Variants in KDM2A observed in about 807,000 individuals in gnomAD.
The protein encoded by KDM2A is lysine demethylase 2A.
A neutral mutation model predicts 137.3 loss-of-function variants in KDM2A; 3 were observed. The observed-to-expected ratio is 0.02, with a 90% CI of 0.01 to 0.06. The LOEUF is 0.06. KDM2A is among the 10% of genes least tolerant of loss of function. The pLI is 1.00. For missense variants in KDM2A, 738 were observed against 1,510.6 expected (o/e 0.49, Z 8.48); for synonymous variants, 512 against 541.5 (o/e 0.95, Z 0.76).
At chr11:67,162,586 A>C (rs1004530612) in intron 2 of KDM2A, among the ~76,000 whole-genome samples, 2 of 151,906 alleles carry the variant, frequency 1.3e-5, no homozygotes, top group African/African-American at 4.8e-5. Flanking sequence ...TTGTATTTTT[A>C]GTAGAGATGG....
At chr11:67,185,674 G>A (rs1422098782) in intron 5 of KDM2A, among the ~76,000 whole-genome samples, 1 of 151,552 alleles carries the variant, frequency 6.6e-6, no homozygotes, top group African/African-American at 2.4e-5. Context: ...CAAAATTTAT[G>A]TTGAAATTGA....
At position 67,245,909 on chromosome 11, in the gene KDM2A, A is replaced by T. The variant is rs1234002570; in HGVS notation, c.1834-76A>T. On this transcript the variant is annotated intron_variant, in intron 14 of 20. Transcript: ENST00000529006. This position sits in a 1 kb window ranked among gnomAD's most constrained non-coding sequence, Gnocchi z 4.1. Reference sequence around the variant, plus strand: ...GAGAATTATAGGACCCAAATCTCCCATCTTCAGTTTAAGGGAAACTGAAAT... The same window carrying T: ...GAGAATTATAGGACCCAAATCTCCCTTCTTCAGTTTAAGGGAAACTGAAAT... The T allele has an allele frequency of 1.9e-6, 3 of 1,544,534 alleles. No individual in the cohort carries two copies. The East Asian group carries it at 6.8e-5, about 35-fold the overall frequency.
At chr11:67,205,537 C>G (rs977354502) in intron 5 of KDM2A, among the ~76,000 whole-genome samples, 1 of 152,082 alleles carries the variant, frequency 6.6e-6, no homozygotes, top group African/African-American at 2.4e-5. Flanking sequence ...AGGTGATTCT[C>G]ACACCTCACC....
chr11:67,188,314 C>T (rs1857257468), intron 5 of KDM2A, among the ~76,000 whole-genome samples: 1 of 151,966 alleles, frequency 6.6e-6, no homozygotes, highest in Non-Finnish European at 1.5e-5. Flanking sequence ...AACCCCGTCT[C>T]TACTAAAAAT....
intron 10 of KDM2A, among the ~76,000 whole-genome samples, chr11:67,227,437 T>A (rs1455119331): frequency 6.6e-6 from 1 of 152,108 alleles, no homozygotes; most frequent in East Asian, 1.9e-4. Flanking sequence ...TTTGCATGCC[T>A]TTTTTTCAAG....
intron 17 of KDM2A, among the ~76,000 whole-genome samples, chr11:67,251,144 A>G (rs1020452807): frequency 2.6e-5 from 4 of 152,140 alleles, no homozygotes; most frequent in African/African-American, 9.7e-5. Context: ...AACTCATCAC[A>G]TGTTGGTTGA....
intron 10 of KDM2A, among the ~76,000 whole-genome samples, chr11:67,226,223 C>T (rs1298149826): frequency 6.6e-6 from 1 of 151,842 alleles, no homozygotes; most frequent in African/African-American, 2.4e-5. Flanking sequence ...CACCACTGCA[C>T]ACTAGCCTTG....
intron 2 of KDM2A, among the ~76,000 whole-genome samples, chr11:67,140,049 A>C (rs1270746347): frequency 6.6e-6 from 1 of 152,014 alleles, no homozygotes. Context: ...GGGTGGTGCC[A>C]CCAATTGAGA....
intron 2 of KDM2A, among the ~76,000 whole-genome samples, chr11:67,178,904 T>C (rs1857026772): frequency 6.6e-6 from 1 of 152,242 alleles, no homozygotes; most frequent in Non-Finnish European, 1.5e-5. Context: ...TTCAGTTCTT[T>C]GGGTTATATA....
At chr11:67,237,643 A>T (rs754097270) in intron 12 of KDM2A, among the ~76,000 whole-genome samples, 30 of 151,030 alleles carry the variant, frequency 2.0e-4, no homozygotes, top group Non-Finnish European at 3.8e-4. Flanking sequence ...AGGCTTACAG[A>T]TTTTTTTTTG....
intron 5 of KDM2A, among the ~76,000 whole-genome samples, chr11:67,202,682 A>G (rs7124968): frequency 0.54 from 82,224 of 151,714 alleles, 27,321 homozygotes; most frequent in South Asian, 0.75. Flanking sequence ...AGGCTGAGGC[A>G]GGAGAATGGC....
At chr11:67,241,947 T>A (rs1258107656) in intron 12 of KDM2A, among the ~76,000 whole-genome samples, 1 of 152,068 alleles carries the variant, frequency 6.6e-6, no homozygotes, top group African/African-American at 2.4e-5. Context: ...CAGGTGCCTG[T>A]AATCCCAGCT....
rs189944306 is a variant in KDM2A, at chr11:67,159,727, G to A, written c.43-20352G>A. 2.5e-3 allele frequency among the ~76,000 whole-genome samples: 377 copies of A among 152,314 alleles called. 4 individuals carry two copies. The highest frequency in any genetic ancestry group is 2.0e-3 in the Non-Finnish European group (133 of 68,024). ...GCATTTGATAGGTACTGGGAAGACA[G>A]TGGTGAAAAAGAGATTTCTACTCTC... On this transcript the variant is annotated intron_variant, in intron 2 of 20. Coordinates refer to ENST00000529006, the MANE Select transcript of KDM2A (RefSeq NM_012308.3).
At chr11:67,130,479 T>C (rs558873759) in intron 2 of KDM2A, among the ~76,000 whole-genome samples, 1 of 152,314 alleles carries the variant, frequency 6.6e-6, no homozygotes, top group East Asian at 1.9e-4. Context: ...TCCTAAACTG[T>C]GCCTAGGTTT....
In KDM2A at chr11:67,255,655, G is replaced by A. The variant is rs1859581400; in HGVS notation, c.*600G>A. ...CCTCCTTTCCTCTCCCTTGAGCTTG[G>A]TTCTGCCCAGCACTCGTGCTTGTTC... On this transcript the variant is annotated 3_prime_UTR_variant, in exon 21 of 21. Transcript: ENST00000529006. The A allele has an allele frequency of 2.2e-6, 1 of 445,350 alleles. No homozygotes were observed. Among genetic ancestry groups the A allele is most frequent in the South Asian group, 1.6e-5 (1 of 63,382 alleles). 27.6% of individuals were successfully genotyped at this position (445,350 alleles called of 1,614,324 possible).
At chr11:67,128,244 CCT>C (rs1855776906) in intron 2 of KDM2A, among the ~76,000 whole-genome samples, 1 of 151,954 alleles carries the variant, frequency 6.6e-6, no homozygotes. Flanking sequence ...CTTAAGTGAT[CCT>C]CTCTCCTGCC....
At chr11:67,199,589 T>A (rs752970299) in intron 5 of KDM2A, among the ~76,000 whole-genome samples, 1 of 152,188 alleles carries the variant, frequency 6.6e-6, no homozygotes, top group Non-Finnish European at 1.5e-5. Flanking sequence ...AGTAAAGCCC[T>A]GATTCTCTTT....
chr11:67,237,499 C>G (rs1858906283), intron 12 of KDM2A, among the ~76,000 whole-genome samples: 1 of 151,480 alleles, frequency 6.6e-6, no homozygotes, highest in Non-Finnish European at 1.5e-5. Flanking sequence ...CTGTGTTGAC[C>G]AGGCTGGTCT....
chr11:67,210,474 C>G (rs1857946704), intron 6 of KDM2A, among the ~76,000 whole-genome samples: 1 of 152,064 alleles, frequency 6.6e-6, no homozygotes, highest in African/African-American at 2.4e-5. Flanking sequence ...CACATGAAGC[C>G]TTTTTTGTGG....
Sources: gnomAD v4.1 joint callset for allele counts (sites outside exome capture counted in the v4.1 genomes callset) on GRCh38, gnomAD v4.1.1 for gene constraint, Gnocchi (gnomAD v3.1) non-coding constraint, MANE v1.5 for transcripts, NCBI Gene and HGNC (gene_info 2026-07-23, HGNC 2026-07-21) for gene names.